The following DMXL2 variants were observed in gnomAD, a reference collection of about 807,000 sequenced individuals.
The protein encoded by DMXL2 is dmX-like protein 2.
Under a neutral mutation model 331.1 loss-of-function variants are expected in DMXL2, and 103 were observed. The observed-to-expected ratio is 0.31, with a 90% CI of 0.27 to 0.37. The LOEUF (loss-of-function observed/expected upper bound fraction) is 0.37, where lower values mean the gene tolerates loss of function less well. Among genes scored for constraint, DMXL2 ranks in the 10% least tolerant of loss-of-function variants. DMXL2 has a pLI of 1.00. For synonymous variants in DMXL2, 1,281 were observed against 1,252.1 expected (o/e 1.02, Z -0.49); for missense variants, 3,171 against 3,642.9 (o/e 0.87, Z 3.33).
At chr15:51,617,989 A>G (rs190270818) in intron 1 of DMXL2, among the ~76,000 whole-genome samples, 3 of 152,348 alleles carry the variant, frequency 2.0e-5, no homozygotes, top group African/African-American at 4.8e-5. Context: ...TTAAACAAAC[A>G]AGAAGCTACA....
chr15:51,449,396 A>T (rs1299193582), intron 43 of DMXL2, among the ~76,000 whole-genome samples: 5 of 152,082 alleles, frequency 3.3e-5, no homozygotes, highest in African/African-American at 9.7e-5. Flanking sequence ...ATTTTCCTTC[A>T]CATCCTCTTG....
intron 6 of DMXL2, among the ~76,000 whole-genome samples, chr15:51,559,842 A>G (rs573615425): frequency 9.8e-5 from 15 of 152,364 alleles, no homozygotes; most frequent in African/African-American, 3.1e-4. Context: ...ATTGTATACT[A>G]TGAGAGTGTA....
At chr15:51,505,204 C>T (rs2043972791) in intron 16 of DMXL2, among the ~76,000 whole-genome samples, 1 of 152,202 alleles carries the variant, frequency 6.6e-6, no homozygotes, top group African/African-American at 2.4e-5. Flanking sequence ...TGGCAGGATA[C>T]ACTGTTAAAT....
intron 2 of DMXL2, among the ~76,000 whole-genome samples, chr15:51,571,262 A>ACT (rs1308941935): frequency 6.6e-6 from 1 of 152,234 alleles, no homozygotes; most frequent in Non-Finnish European, 1.5e-5. Flanking sequence ...TGCACCTAAT[A>ACT]CAGGAGCACC....
chr15:51,483,134 T>C (rs977317008), intron 23 of DMXL2, among the ~76,000 whole-genome samples: 2 of 152,098 alleles, frequency 1.3e-5, no homozygotes, highest in Admixed American at 6.5e-5. Context: ...AAGAATCCCA[T>C]AGTACTTGCA....
At chr15:51,484,178 C>A (rs1326456350) in intron 23 of DMXL2, among the ~76,000 whole-genome samples, 1 of 152,226 alleles carries the variant, frequency 6.6e-6, no homozygotes, top group Non-Finnish European at 1.5e-5. Flanking sequence ...AAACCCCAGG[C>A]CAGCTGAGTA....
At chr15:51,478,751 T>A (rs1162422832) in intron 25 of DMXL2, among the ~76,000 whole-genome samples, 1 of 151,884 alleles carries the variant, frequency 6.6e-6, no homozygotes, top group Non-Finnish European at 1.5e-5. Flanking sequence ...TTCGCCTTGA[T>A]GAAAATAAAC....
intron 13 of DMXL2, among the ~76,000 whole-genome samples, chr15:51,521,571 C>A (rs561902078): frequency 1.1e-4 from 16 of 152,012 alleles, no homozygotes; most frequent in African/African-American, 3.9e-4. Context: ...TCAACAAAGC[C>A]TGGTATACTA....
chr15:51,477,392 A>G (rs1309344339), intron 26 of DMXL2, among the ~76,000 whole-genome samples: 1 of 152,042 alleles, frequency 6.6e-6, no homozygotes, highest in East Asian at 1.9e-4. Context: ...GGTGACTGAC[A>G]TCAAACAAGT....
At chr15:51,596,128 C>G (rs1453999902) in intron 1 of DMXL2, among the ~76,000 whole-genome samples, 1 of 152,166 alleles carries the variant, frequency 6.6e-6, no homozygotes, top group Non-Finnish European at 1.5e-5. Context: ...TCAGAGTGAA[C>G]AGGCAACCTA....
intron 6 of DMXL2, among the ~76,000 whole-genome samples, chr15:51,557,001 G>A (rs2049638268): frequency 6.6e-6 from 1 of 151,906 alleles, no homozygotes; most frequent in Non-Finnish European, 1.5e-5. Context: ...TAGACCTGTT[G>A]TCACCACGTT....
At position 51,622,505 on chromosome 15, in the gene DMXL2, C is replaced by G. The variant is rs773464726; in HGVS notation, c.41G>C (p.Gly14Ala). 1 of 1,569,744 alleles carries G rather than the reference C, an allele frequency of 6.4e-7. No individual in the cohort carries two copies. The highest frequency in any genetic ancestry group is 1.2e-5 in the South Asian group (1 of 85,488). Reference sequence around the variant, plus strand: ...GCTGCCCACGGAGTAGCAGTTGTCTCCAGGGTTGACAGCTCCGGTGAGGAC... The same window carrying G: ...GCTGCCCACGGAGTAGCAGTTGTCTGCAGGGTTGACAGCTCCGGTGAGGAC... ...HQVLTGAVNP[G>A]DNCYSVGSVG... Residue 14 changes from glycine to alanine, a missense_variant, in exon 1 of 44, where the codon GGA (glycine) becomes GCA (alanine). Coordinates refer to ENST00000560891, the MANE Select transcript of DMXL2 (RefSeq NM_001378457.1).
intron 13 of DMXL2, among the ~76,000 whole-genome samples, chr15:51,522,539 G>A (rs1404760715): frequency 5.3e-5 from 8 of 152,186 alleles, no homozygotes; most frequent in Non-Finnish European, 1.0e-4. Flanking sequence ...AGCTACTCAG[G>A]AGGCTGAGGC....
At chr15:51,472,969 C>G (rs996533572) in intron 28 of DMXL2, among the ~76,000 whole-genome samples, 8 of 132,638 alleles carry the variant, frequency 6.0e-5, no homozygotes, top group Admixed American at 1.5e-4. Flanking sequence ...GCCCCAGCTA[C>G]TCTTCTATTC....
At position 51,536,367 on chromosome 15, in the gene DMXL2, G is replaced by C; in HGVS notation, c.2113C>G (p.Gln705Glu). The change falls in exon 12 of 44, where the codon CAA becomes GAA. Residue 705 changes from glutamine (Q) to glutamate (E), a missense_variant. By Grantham distance (29) the Gln-to-Glu change is conservative. This residue lies in a region of DMXL2 where 1,674 missense variants were observed against 1,780.2 expected (regional missense o/e 0.94). Transcript: ENST00000560891. The stretch of plus-strand genomic sequence containing the variant: ...CGAGTTGCTGCATTTCTAAGAGGTT[G>C]TTTCGAGGAACCTTTTATATGTTTT... Reference protein sequence around the residue: ...PVKHIKGSSKQPLRNAATRTF... With the variant: ...PVKHIKGSSKEPLRNAATRTF... 6.2e-7 allele frequency: 1 copy of C among 1,613,634 alleles called. No individual in the cohort carries two copies. The highest frequency in any genetic ancestry group is 8.5e-7 in the Non-Finnish European group (1 of 1,179,840).
chr15:51,604,539 A>C (rs2053451285), intron 1 of DMXL2, among the ~76,000 whole-genome samples: 1 of 152,220 alleles, frequency 6.6e-6, no homozygotes, highest in African/African-American at 2.4e-5. Context: ...CTGAAAAATT[A>C]AATACTTCTA....
chr15:51,552,857 T>G (rs1018244241), intron 6 of DMXL2, among the ~76,000 whole-genome samples: 1 of 152,248 alleles, frequency 6.6e-6, no homozygotes, highest in Non-Finnish European at 1.5e-5. Flanking sequence ...CTATCTGATA[T>G]GTTAACTCAG....
intron 1 of DMXL2, among the ~76,000 whole-genome samples, chr15:51,589,945 GCAAA>G (rs1220017143): frequency 6.6e-6 from 1 of 152,044 alleles, no homozygotes; most frequent in African/African-American, 2.4e-5. Context: ...CAATAAAAAA[GCAAA>G]CAATCTAAAC....
intron 1 of DMXL2, among the ~76,000 whole-genome samples, chr15:51,616,508 C>T (rs1479316346): frequency 2.6e-5 from 4 of 152,126 alleles, no homozygotes; most frequent in African/African-American, 9.7e-5. Flanking sequence ...ATGTACTTGT[C>T]CCTCAATACC....
Sources: allele counts gnomAD v4.1 joint callset (sites outside exome capture counted in the v4.1 genomes callset), GRCh38; gene constraint gnomAD v4.1.1; regional missense constraint gnomAD v4.1.1; transcripts MANE v1.5; gene names NCBI Gene and HGNC (gene_info 2026-07-23, HGNC 2026-07-21).